The following AGBL4 variants were observed in gnomAD, a reference collection of about 807,000 sequenced individuals.
The protein encoded by AGBL4 is cytosolic carboxypeptidase 6.
Under a neutral mutation model 66.4 loss-of-function variants are expected in AGBL4, and 58 were observed. The ratio of observed to expected loss-of-function variants is 0.87; its 90% CI spans 0.71 to 1.09. The LOEUF is 1.09. AGBL4 is among the 50% of genes least tolerant of loss of function. The pLI is 0.00. For missense variants in AGBL4, 579 were observed against 631.0 expected (o/e 0.92, Z 0.88); for synonymous variants, 234 against 222.9 (o/e 1.05, Z -0.44).
intron 5 of AGBL4, among the ~76,000 whole-genome samples, chr1:48,930,054 C>G (rs750672641): frequency 6.6e-6 from 1 of 152,090 alleles, no homozygotes; most frequent in African/African-American, 2.4e-5. Context: ...TTTTCTAGGC[C>G]TAGATCTCTG....
At chr1:48,924,936 A>G (rs1156462601) in intron 5 of AGBL4, among the ~76,000 whole-genome samples, 1 of 152,154 alleles carries the variant, frequency 6.6e-6, no homozygotes, top group Non-Finnish European at 1.5e-5. Flanking sequence ...ACTCACAATG[A>G]GGTTATGTCC....
At chr1:48,950,579 C>A (rs893705129) in intron 5 of AGBL4, among the ~76,000 whole-genome samples, 2 of 152,080 alleles carry the variant, frequency 1.3e-5, no homozygotes, top group Non-Finnish European at 2.9e-5. Context: ...GTAGGTATGA[C>A]AAATATTGTT....
intron 1 of AGBL4, among the ~76,000 whole-genome samples, chr1:49,879,557 A>G (rs367953630): frequency 2.0e-5 from 3 of 147,348 alleles, no homozygotes; most frequent in Admixed American, 2.0e-4. Context: ...CTTCCCTTTG[A>G]GGGTAACCCG....
intron 9 of AGBL4, among the ~76,000 whole-genome samples, chr1:48,605,361 A>G (rs1472048476): frequency 1.3e-5 from 2 of 152,144 alleles, no homozygotes; most frequent in East Asian, 1.9e-4. Flanking sequence ...CTCCATGCCA[A>G]ATTGAGAGCT....
At chr1:49,739,650 G>A (rs926125060) in intron 2 of AGBL4, among the ~76,000 whole-genome samples, 1 of 152,186 alleles carries the variant, frequency 6.6e-6, no homozygotes, top group African/African-American at 2.4e-5. Context: ...GGCAGCCAGA[G>A]AGAAAGGTTG....
At chr1:49,256,799 C>T (rs1337844068) in intron 3 of AGBL4, among the ~76,000 whole-genome samples, 4 of 152,032 alleles carry the variant, frequency 2.6e-5, no homozygotes, top group Admixed American at 2.0e-4. Context: ...ATAGCTAGAC[C>T]GATGGATCAC....
At position 48,617,328 on chromosome 1, in the gene AGBL4, G is replaced by A. The variant is rs149973494; in HGVS notation, c.951+17165C>T. Among the ~76,000 whole-genome samples, 59 of 152,168 alleles carry A rather than the reference G, an allele frequency of 3.9e-4. No individual in the cohort carries two copies. The East Asian group carries it at 0.011, about 28-fold the overall frequency. Reference sequence around the variant, plus strand: ...ACCAAAGCAGACTGTCAGATTAAAGGGGTCACTGTTTTGAGGTCTAAACAC... The same window carrying A: ...ACCAAAGCAGACTGTCAGATTAAAGAGGTCACTGTTTTGAGGTCTAAACAC... On this transcript the variant is annotated intron_variant, in intron 9 of 13. Transcript: ENST00000371839.
At chr1:49,329,368 A>G (rs1320038486) in intron 3 of AGBL4, among the ~76,000 whole-genome samples, 1 of 151,766 alleles carries the variant, frequency 6.6e-6, no homozygotes, top group Non-Finnish European at 1.5e-5. Flanking sequence ...CAACTTAAAA[A>G]AATAAAATAA....
At position 49,851,034 on chromosome 1, in the gene AGBL4, C is replaced by T. The variant is rs368047565; in HGVS notation, c.157+362G>A. Among the ~76,000 whole-genome samples the T allele has an allele frequency of 3.3e-4, 50 of 152,118 alleles. 1 individual carries two copies. In the South Asian group the frequency reaches 9.6e-3, roughly 29 times the overall value. ...CCTCTTCTCCCCCTAAAACTAAGTTCTACTGTAAGCATGTCATACAGAACT... is the reference window on the plus strand; with the variant it reads ...CCTCTTCTCCCCCTAAAACTAAGTTTTACTGTAAGCATGTCATACAGAACT... On this transcript the variant is annotated intron_variant, in intron 2 of 13. Transcript: ENST00000371839.
chr1:48,960,291 G>C (rs1451906761), intron 5 of AGBL4, among the ~76,000 whole-genome samples: 1 of 152,144 alleles, frequency 6.6e-6, no homozygotes, highest in Middle Eastern at 3.2e-3. Context: ...TACAGAAATG[G>C]GGGAGACTTT....
chr1:48,742,834 A>C, intron 6 of AGBL4: 2 of 1,419,926 alleles, frequency 1.4e-6, no homozygotes, highest in Non-Finnish European at 1.9e-6. Context: ...AAATATTTTT[A>C]ACTAGGCATC....
At chr1:49,763,107 A>G (rs1455079436) in intron 2 of AGBL4, among the ~76,000 whole-genome samples, 1 of 152,166 alleles carries the variant, frequency 6.6e-6, no homozygotes, top group Non-Finnish European at 1.5e-5. Flanking sequence ...GCATATAGTT[A>G]TCTAATTTTC....
intron 8 of AGBL4, among the ~76,000 whole-genome samples, chr1:48,639,069 T>A (rs1444505220): frequency 6.6e-6 from 1 of 152,090 alleles, no homozygotes; most frequent in Non-Finnish European, 1.5e-5. Flanking sequence ...AAAAAGAACT[T>A]CAAAACTGAA....
chr1:50,002,432 C>G (rs1039335590), intron 1 of AGBL4, among the ~76,000 whole-genome samples: 2 of 140,900 alleles, frequency 1.4e-5, no homozygotes. Flanking sequence ...TGCAGTGGCG[C>G]GATCTCGGCT....
chr1:49,293,293 G>C (rs1485147478), intron 3 of AGBL4, among the ~76,000 whole-genome samples: 1 of 152,198 alleles, frequency 6.6e-6, no homozygotes, highest in Non-Finnish European at 1.5e-5. Flanking sequence ...CGCCTGGCTT[G>C]CCCTTGGCAG....
At chr1:48,616,865 C>T (rs1645327304) in intron 9 of AGBL4, among the ~76,000 whole-genome samples, 1 of 152,238 alleles carries the variant, frequency 6.6e-6, no homozygotes, top group Admixed American at 6.5e-5. Flanking sequence ...TACATGCTCC[C>T]TGGGTCCTTC....
chr1:48,845,236 C>T (rs1646883730), intron 6 of AGBL4, among the ~76,000 whole-genome samples: 1 of 152,188 alleles, frequency 6.6e-6, no homozygotes, highest in African/African-American at 2.4e-5. Flanking sequence ...GTGCTTGTCA[C>T]TGTGACAGAT....
intron 3 of AGBL4, among the ~76,000 whole-genome samples, chr1:49,515,985 A>G (rs2148792878): frequency 6.6e-6 from 1 of 151,456 alleles, no homozygotes; most frequent in South Asian, 2.1e-4. Context: ...ACATGTATAC[A>G]TCTGTAACTA....
chr1:49,625,566 C>A lies in AGBL4; in HGVS notation c.282+71747G>T, dbSNP rs1343496827. Among the ~76,000 whole-genome samples the A allele has an allele frequency of 2.0e-5, 3 of 152,120 alleles. No homozygotes were observed. In the East Asian group the frequency reaches 5.8e-4, roughly 29 times the overall value. Reference sequence around the variant, plus strand: ...ACACTGCAGGAGGCCTGGGGAGGCTCCCATAGGAACTTGCTGAAATTTTCT... The same window carrying A: ...ACACTGCAGGAGGCCTGGGGAGGCTACCATAGGAACTTGCTGAAATTTTCT... On this transcript the variant is annotated intron_variant, in intron 3 of 13. Transcript: ENST00000371839.
Sources: allele counts gnomAD v4.1 joint callset (sites outside exome capture counted in the v4.1 genomes callset), GRCh38; gene constraint gnomAD v4.1.1; transcripts MANE v1.5; gene names NCBI Gene and HGNC (gene_info 2026-07-23, HGNC 2026-07-21).